The following NRN1 variants were observed in gnomAD, a reference collection of about 807,000 sequenced individuals.
NRN1 encodes the protein neuritin.
In NRN1, 4 loss-of-function variants were observed where a neutral mutation model predicts 15.0. The ratio of observed to expected loss-of-function variants is 0.27; its 90% CI spans 0.13 to 0.61. The LOEUF (loss-of-function observed/expected upper bound fraction) is 0.61, where lower values mean the gene tolerates loss of function less well. NRN1 is among the 20% of genes least tolerant of loss of function. NRN1 has a pLI of 0.87. For missense variants in NRN1, 134 were observed against 181.9 expected (o/e 0.74, Z 1.51); for synonymous variants, 85 against 79.8 (o/e 1.07, Z -0.35).
chr6:5,998,677 TAATAAA>T lies in NRN1; in HGVS notation c.*293_*298del. On this transcript the variant is annotated 3_prime_UTR_variant, in exon 3 of 3. Coordinates refer to ENST00000244766, the MANE Select transcript of NRN1 (RefSeq NM_016588.3). Reference sequence around the variant, plus strand: ...TTTTGCCAACAAAAAAAATTAATAATAATAAAATTAAAAAATGGGGTGGGTTTGCCG... The same window carrying T: ...TTTTGCCAACAAAAAAAATTAATAATATTAAAAAATGGGGTGGGTTTGCCG... The T allele has an allele frequency of 4.1e-6, 1 of 241,730 alleles. No homozygotes were observed. Among genetic ancestry groups the T allele is most frequent in the Non-Finnish European group, 7.9e-6 (1 of 126,468 alleles). 15.0% of individuals were successfully genotyped at this position (241,730 alleles called of 1,614,324 possible). A position where few individuals can be genotyped will look rare whatever the true frequency, so the allele number is the denominator to read the frequency against.
rs1013745360 is a variant in NRN1 at position 6,006,860 on chromosome 6, G to T, written c.-111C>A. ...GCCAACAAGTTCCGGGAGCGACAGA[G>T]ACTTTATGCACTGGGAAGGCAGAGG... On this transcript the variant is annotated 5_prime_UTR_variant, in exon 1 of 3. Coordinates refer to ENST00000244766, the MANE Select transcript of NRN1 (RefSeq NM_016588.3). The T allele has an allele frequency of 4.6e-6, 4 of 865,878 alleles. No individual in the cohort carries two copies. The highest frequency in any genetic ancestry group is 7.8e-6 in the Non-Finnish European group (4 of 511,246). The allele number at this position is 865,878 out of a possible 1,614,324, so 53.6% of individuals were successfully genotyped here. A position where few individuals can be genotyped will look rare whatever the true frequency, so the allele number is the denominator to read the frequency against.
At chr6:6,007,114 C>T, upstream of NRN1, 1 of 232,120 alleles carries the variant, frequency 4.3e-6, no homozygotes, top group South Asian at 7.6e-5. Context: ...CATTTATAGT[C>T]ATCAGAAGCT....
rs1440227860 is a variant in NRN1 at position 5,998,727 on chromosome 6, A to G, written c.*249T>C. The G allele has an allele frequency of 4.7e-6, 2 of 427,238 alleles. No homozygotes were observed. The highest frequency in any genetic ancestry group is 8.3e-6 in the Non-Finnish European group (2 of 241,408). The allele number at this position is 427,238 out of a possible 1,614,324, so 26.5% of individuals were successfully genotyped here. On this transcript the variant is annotated 3_prime_UTR_variant, in exon 3 of 3. Transcript: ENST00000244766. ...TTTGCCGTTTTCTTATTTGTGTGTG[A>G]AGACGGACTAAAGCTGAGGTCCGAT...
intron 1 of NRN1, 112 bp downstream of exon 1, chr6:6,006,583 G>A (rs6922007): frequency 2.9e-5 from 28 of 962,620 alleles, no homozygotes; most frequent in African/African-American, 1.1e-4. Flanking sequence ...GGGGATTGCC[G>A]GCTTCTCCGC....
chr6:6,003,879 C>T, intron 1 of NRN1: 4 of 1,231,494 alleles, frequency 3.2e-6, no homozygotes. Context: ...GCACTGGCGC[C>T]CACGACCCTG....
At chr6:6,006,954 A>AGG, upstream of NRN1, 3 of 80,680 alleles carry the variant, frequency 3.7e-5, no homozygotes, top group Non-Finnish European at 6.5e-5. Flanking sequence ...AGAGAGAGAG[A>AGG]GAGGCTGAGG....
intron 1 of NRN1, chr6:6,002,719 G>A: frequency 1.6e-6 from 1 of 618,756 alleles, no homozygotes; most frequent in Non-Finnish European, 2.8e-6. Flanking sequence ...GTCGGTGTGT[G>A]AGCAGGTGTG....
At chr6:5,999,594 C>G (rs184063820) in intron 2 of NRN1, among the ~76,000 whole-genome samples, 1 of 152,336 alleles carries the variant, frequency 6.6e-6, no homozygotes, top group East Asian at 1.9e-4. Flanking sequence ...CGCAAGCTGC[C>G]GCCCATTAAT....
chr6:5,999,277 C>T, intron 2 of NRN1, 73 bp from the exon 3 acceptor site: 1 of 1,337,680 alleles, frequency 7.5e-7, no homozygotes, highest in Non-Finnish European at 1.1e-6. Context: ...GCTTGCGCCC[C>T]TGCGCCTCCC....
intron 2 of NRN1, among the ~76,000 whole-genome samples, chr6:6,000,680 CTG>C (rs959529554): frequency 1.4e-5 from 2 of 147,830 alleles, no homozygotes; most frequent in Non-Finnish European, 3.0e-5. Context: ...TTCCTGCAGA[CTG>C]TCTGTGGAAT....
At chr6:6,005,726 T>C (rs1758095475) in intron 1 of NRN1, among the ~76,000 whole-genome samples, 1 of 152,252 alleles carries the variant, frequency 6.6e-6, no homozygotes, top group Admixed American at 6.5e-5. Flanking sequence ...GTCCATTCTA[T>C]TAATAACCTG....
Position 6,002,400 on chromosome 6 carries a change from G to A in NRN1, c.153C>T (p.Asn51=), listed in dbSNP as rs780020876. The A allele has an allele frequency of 2.2e-5, 35 of 1,614,242 alleles. No homozygotes were observed. Among genetic ancestry groups the A allele is most frequent in the Non-Finnish European group, 2.7e-5 (32 of 1,180,024 alleles). ...CLLKLGDSMA[N]YPQGLDDKTN... ...TCTTGTCGTCCAGGCCCTGCGGGTAGTTGGCCATGCTGTCGCCCAGCTTGA... is the reference window on the plus strand; with the variant it reads ...TCTTGTCGTCCAGGCCCTGCGGGTAATTGGCCATGCTGTCGCCCAGCTTGA... The change falls in exon 2 of 3, where the codon AAC becomes AAT. Residue 51 remains asparagine (N), a synonymous_variant. Transcript: ENST00000244766.
At chr6:6,006,953 GAGA>G, upstream of NRN1, 2 of 153,432 alleles carry the variant, frequency 1.3e-5, no homozygotes, top group Non-Finnish European at 2.5e-5. Context: ...GAGAGAGAGA[GAGA>G]GGCTGAGGGG....
chr6:5,999,722 T>C (rs1757885046), intron 2 of NRN1, among the ~76,000 whole-genome samples: 1 of 152,172 alleles, frequency 6.6e-6, no homozygotes, highest in Non-Finnish European at 1.5e-5. Context: ...CGCGGTACTC[T>C]CGCCTTCGCC....
upstream of NRN1, chr6:6,006,967 G>C (rs1177892925): frequency 7.1e-6 from 3 of 420,178 alleles, no homozygotes; most frequent in South Asian, 2.4e-5. Context: ...GGCTGAGGGG[G>C]GGGGGAGAGC....
At chr6:6,000,748 T>TTTTTTTTTTTTA (rs1554145373) in intron 2 of NRN1, among the ~76,000 whole-genome samples, 2,925 of 98,962 alleles carry the variant, frequency 0.03, 426 homozygotes, top group Non-Finnish European at 0.042. Context: ...TTTTTTTTTT[T>TTTTTTTTTTTTA]ATGTACGCCC....
chr6:5,999,244 T>C, intron 2 of NRN1, 40 bp from the exon 3 acceptor site: 2 of 1,555,860 alleles, frequency 1.3e-6, no homozygotes, highest in Admixed American at 1.7e-5. Context: ...GCAGGTTCAC[T>C]TGGGACGCCG....
At chr6:6,004,668 A>G (rs1302892650) in intron 1 of NRN1, among the ~76,000 whole-genome samples, 1 of 152,176 alleles carries the variant, frequency 6.6e-6, no homozygotes, top group Non-Finnish European at 1.5e-5. Flanking sequence ...GGAGGCCGGG[A>G]GGCTGCGCGC....
At chr6:6,002,151 G>A (rs1250981683) in intron 2 of NRN1, among the ~76,000 whole-genome samples, 1 of 152,220 alleles carries the variant, frequency 6.6e-6, no homozygotes, top group Non-Finnish European at 1.5e-5. Context: ...TCCCACCCCG[G>A]GCTGTGGGAT....
Sources: gnomAD v4.1 joint callset for allele counts (sites outside exome capture counted in the v4.1 genomes callset) on GRCh38, gnomAD v4.1.1 for gene constraint, MANE v1.5 for transcripts, NCBI Gene and HGNC (gene_info 2026-07-23, HGNC 2026-07-21) for gene names.